The following ESRRG variants were observed in gnomAD, a reference collection of about 807,000 sequenced individuals.
ESRRG encodes estrogen-related receptor gamma.
Under a neutral mutation model 44.0 loss-of-function variants are expected in ESRRG, and 13 were observed. The ratio of observed to expected loss-of-function variants is 0.30; its 90% CI spans 0.19 to 0.47. The LOEUF (loss-of-function observed/expected upper bound fraction) is 0.47, where lower values mean the gene tolerates loss of function less well. Among genes scored for constraint, ESRRG ranks in the 20% least tolerant of loss-of-function variants. ESRRG has a pLI of 1.00. For missense variants in ESRRG, 395 were observed against 580.6 expected (o/e 0.68, Z 3.29); for synonymous variants, 215 against 214.6 (o/e 1.00, Z -0.02).
At chr1:216,704,023 G>A (rs1236044183) in intron 1 of ESRRG, among the ~76,000 whole-genome samples, 1 of 152,010 alleles carries the variant, frequency 6.6e-6, no homozygotes, top group Non-Finnish European at 1.5e-5. Flanking sequence ...AAAAAGTATT[G>A]AAAAAATATA....
intron 2 of ESRRG, among the ~76,000 whole-genome samples, chr1:216,817,720 T>C (rs1445735691): frequency 6.6e-6 from 1 of 152,184 alleles, no homozygotes; most frequent in Non-Finnish European, 1.5e-5. Flanking sequence ...AGTAATAAAT[T>C]GGTGGAAAAT....
intron 1 of ESRRG, among the ~76,000 whole-genome samples, chr1:217,122,759 C>T (rs759209989): frequency 6.6e-6 from 1 of 151,176 alleles, no homozygotes; most frequent in Non-Finnish European, 1.5e-5. Context: ...CAACCTCCGC[C>T]TCCTGAGTTC....
intron 6 of ESRRG, among the ~76,000 whole-genome samples, chr1:216,518,641 T>C (rs1310955287): frequency 6.6e-6 from 1 of 152,214 alleles, no homozygotes; most frequent in Non-Finnish European, 1.5e-5. Flanking sequence ...GTTATTCCCA[T>C]AATTCTTAAC....
At position 216,793,546 on chromosome 1, in the gene ESRRG, T is replaced by C. The variant is rs140760046; in HGVS notation, c.-13-116055A>G. Among the ~76,000 whole-genome samples, 781 of 152,280 alleles carry C rather than the reference T, an allele frequency of 5.1e-3. 2 individuals carry two copies. The highest frequency in any genetic ancestry group is 9.4e-3 in the Non-Finnish European group (638 of 68,016). Reference sequence around the variant, plus strand: ...AGCCTGGAAGTGGATTCCCCTGCCCTGTCATATCTTCAGATGACTGCAGCC... The same window carrying C: ...AGCCTGGAAGTGGATTCCCCTGCCCCGTCATATCTTCAGATGACTGCAGCC... On this transcript the variant is annotated intron_variant, in intron 2 of 7. Coordinates refer to the ESRRG transcript ENST00000359162.
chr1:216,798,875 C>T (rs538937897), intron 2 of ESRRG, among the ~76,000 whole-genome samples: 1 of 152,088 alleles, frequency 6.6e-6, no homozygotes, highest in South Asian at 2.1e-4. Context: ...GCATTTAAAC[C>T]ACTGCTTGAC....
intron 2 of ESRRG, among the ~76,000 whole-genome samples, chr1:216,903,846 A>C (rs78548668): frequency 5.1e-4 from 78 of 152,188 alleles, no homozygotes; most frequent in African/African-American, 1.9e-3. Context: ...AAAAGACAAG[A>C]GGTAACTCTC....
chr1:216,708,787 C>A (rs1014850518), intron 1 of ESRRG, among the ~76,000 whole-genome samples: 1 of 152,118 alleles, frequency 6.6e-6, no homozygotes, highest in African/African-American at 2.4e-5. Flanking sequence ...CAGCCCTGTT[C>A]ACAATAGCAA....
At chr1:216,586,545 C>A (rs900597723) in intron 3 of ESRRG, among the ~76,000 whole-genome samples, 5 of 150,044 alleles carry the variant, frequency 3.3e-5, no homozygotes, top group African/African-American at 1.2e-4. Context: ...AACTTCTTCT[C>A]ATACAAAGAA....
intron 3 of ESRRG, among the ~76,000 whole-genome samples, chr1:216,625,704 T>C (rs1047544809): frequency 5.9e-5 from 9 of 152,228 alleles, no homozygotes; most frequent in Admixed American, 3.3e-4. Context: ...GTGTCCATCA[T>C]TATCTGTAAG....
chr1:216,551,443 C>T (rs976896697), intron 5 of ESRRG, among the ~76,000 whole-genome samples: 1 of 152,008 alleles, frequency 6.6e-6, no homozygotes, highest in Non-Finnish European at 1.5e-5. Context: ...ACCTCACTAC[C>T]CATTCTCAGG....
At chr1:216,947,965 C>T (rs2066326989) in intron 1 of ESRRG, among the ~76,000 whole-genome samples, 1 of 152,078 alleles carries the variant, frequency 6.6e-6, no homozygotes, top group African/African-American at 2.4e-5. Context: ...ATGATAGATA[C>T]AGGAAACTGT....
At position 216,800,199 on chromosome 1, in the gene ESRRG, A is replaced by G. The variant is rs11117681; in HGVS notation, c.-13-122708T>C. On this transcript the variant is annotated intron_variant, in intron 2 of 7. Transcript: ENST00000359162. ...CAGCTGTCTGCCCAGTCAGGAAACC[A>G]TTAACATATTGTCACCAATGCCCCC... 6.3e-3 allele frequency among the ~76,000 whole-genome samples: 958 copies of G among 152,280 alleles called. 8 individuals carry two copies. The highest frequency in any genetic ancestry group is 0.022 in the African/African-American group (924 of 41,564).
chr1:216,836,715 C>T (rs868278876), intron 2 of ESRRG, among the ~76,000 whole-genome samples: 3 of 152,140 alleles, frequency 2.0e-5, no homozygotes, highest in African/African-American at 7.2e-5. Context: ...CACAATGAGT[C>T]GTGGCGGCAG....
chr1:216,583,629 C>T (rs547208407), intron 3 of ESRRG, among the ~76,000 whole-genome samples: 2 of 152,152 alleles, frequency 1.3e-5, no homozygotes, highest in Non-Finnish European at 2.9e-5. Context: ...CTCAAGTTAC[C>T]ATACAGTAGG....
chr1:216,814,161 G>A (rs1471783036), intron 2 of ESRRG, among the ~76,000 whole-genome samples: 3 of 151,872 alleles, frequency 2.0e-5, no homozygotes, highest in African/African-American at 7.3e-5. Flanking sequence ...CAATGCTATT[G>A]TCATTTGCTG....
intron 2 of ESRRG, among the ~76,000 whole-genome samples, chr1:216,925,295 G>T (rs551232795): frequency 1.3e-5 from 2 of 152,090 alleles, no homozygotes; most frequent in Admixed American, 1.3e-4. Flanking sequence ...AAATTAGCTG[G>T]GCATGATGGT....
intron 2 of ESRRG, among the ~76,000 whole-genome samples, chr1:216,801,035 A>C (rs2094599469): frequency 6.6e-6 from 1 of 152,132 alleles, no homozygotes; most frequent in Admixed American, 6.6e-5. Context: ...TTTGATATAC[A>C]TATAGTGAAA....
chr1:216,877,775 GTTTCCTTA>G (rs1238216471), intron 2 of ESRRG, among the ~76,000 whole-genome samples: 3 of 152,064 alleles, frequency 2.0e-5, no homozygotes, highest in Non-Finnish European at 4.4e-5. Flanking sequence ...AATCCATTAT[GTTTCCTTA>G]TTTTTTTCAT....
intron 2 of ESRRG, among the ~76,000 whole-genome samples, chr1:216,904,139 C>G (rs1440666607): frequency 1.3e-5 from 2 of 152,130 alleles, no homozygotes; most frequent in Admixed American, 1.3e-4. Context: ...TAAGCAGTAA[C>G]CTCTTTGAAA....
Sources: allele counts gnomAD v4.1 joint callset (sites outside exome capture counted in the v4.1 genomes callset), GRCh38; gene constraint gnomAD v4.1.1; transcripts MANE v1.5; gene names NCBI Gene and HGNC (gene_info 2026-07-23, HGNC 2026-07-21).